SLC44A5: variants seen among roughly 807,000 people sequenced by gnomAD.
The protein encoded by SLC44A5 is choline transporter-like protein 5.
A neutral mutation model predicts 101.8 loss-of-function variants in SLC44A5; 57 were observed. The ratio of observed to expected loss-of-function variants is 0.56; its 90% CI spans 0.45 to 0.70. SLC44A5 has a LOEUF of 0.70. SLC44A5 is among the 30% of genes least tolerant of loss of function. The pLI, the probability that SLC44A5 is intolerant of heterozygous loss-of-function variation, is 0.00. For synonymous variants in SLC44A5, 281 were observed against 290.9 expected, an observed-to-expected ratio of 0.97 and a Z score of 0.35; for missense variants, 737 against 853.1, an observed-to-expected ratio of 0.86 and a Z score of 1.70.
At chr1:75,680,564 G>A in the SLC44A5 span, among the ~76,000 whole-genome samples, 4 of 151,494 alleles carry the variant, frequency 2.6e-5, no homozygotes, top group East Asian at 1.9e-4. Context: ...TGAAACCAAC[G>A]AAAACAAAGA....
At chr1:75,488,655 G>A (rs1205402772) in intron 2 of SLC44A5, among the ~76,000 whole-genome samples, 4 of 152,264 alleles carry the variant, frequency 2.6e-5, no homozygotes, top group East Asian at 3.9e-4. Context: ...TGTGTTGGCA[G>A]TAACTAGAAA....
Position 75,428,630 on chromosome 1 carries a change from C to T in SLC44A5, c.14-32009G>A, listed in dbSNP as rs141316919. Among the ~76,000 whole-genome samples the T allele has an allele frequency of 2.9e-3, 441 of 152,260 alleles. 4 individuals carry two copies. In the South Asian group the frequency reaches 0.039, roughly 13 times the overall value. On this transcript the variant is annotated intron_variant, in intron 2 of 23. Coordinates refer to ENST00000370859, the MANE Select transcript of SLC44A5 (RefSeq NM_001130058.2). ...GCACTATTTAGCATAATAAACTAAA[C>T]CTGACAGGCATCCCCAGTACAAGCA...
chr1:75,245,457 G>A (rs1280859941), intron 7 of SLC44A5, among the ~76,000 whole-genome samples: 1 of 152,086 alleles, frequency 6.6e-6, no homozygotes, highest in Non-Finnish European at 1.5e-5. Context: ...CATATTAGGA[G>A]ATACTTGACA....
At chr1:75,662,436 C>T in the SLC44A5 span, among the ~76,000 whole-genome samples, 2 of 151,800 alleles carry the variant, frequency 1.3e-5, no homozygotes, top group Admixed American at 6.6e-5. Context: ...AGTTCTAGGG[C>T]TCAATAGCAT....
chr1:75,317,985 G>A (rs1194683147), intron 4 of SLC44A5, among the ~76,000 whole-genome samples: 1 of 152,128 alleles, frequency 6.6e-6, no homozygotes, highest in East Asian at 1.9e-4. Flanking sequence ...ATTTCTCCTA[G>A]TGTAGTCAGA....
intron 3 of SLC44A5, among the ~76,000 whole-genome samples, chr1:75,348,811 T>G (rs143353713): frequency 5.9e-5 from 9 of 152,320 alleles, no homozygotes; most frequent in Admixed American, 5.9e-4. Flanking sequence ...ATGTTTACTG[T>G]TTTTTAGAAA....
At chr1:75,456,983 A>G (rs1666219570) in intron 2 of SLC44A5, among the ~76,000 whole-genome samples, 1 of 152,244 alleles carries the variant, frequency 6.6e-6, no homozygotes, top group South Asian at 2.1e-4. Context: ...GTTATAACAC[A>G]CAGGAGGAAA....
intron 11 of SLC44A5, among the ~76,000 whole-genome samples, chr1:75,236,276 C>A (rs1250223004): frequency 2.6e-5 from 4 of 151,916 alleles, no homozygotes; most frequent in Non-Finnish European, 5.9e-5. Context: ...TAATTTTAGT[C>A]TTTGACCATT....
chr1:75,537,225 G>C (rs969848212), intron 2 of SLC44A5, among the ~76,000 whole-genome samples: 3 of 151,790 alleles, frequency 2.0e-5, no homozygotes, highest in Non-Finnish European at 4.4e-5. Context: ...ATTCAAATTG[G>C]TACCATAATC....
At chr1:75,658,416 A>T in the SLC44A5 span, among the ~76,000 whole-genome samples, 1 of 152,140 alleles carries the variant, frequency 6.6e-6, no homozygotes, top group Non-Finnish European at 1.5e-5. Flanking sequence ...AATCAACATT[A>T]TATTAAGTAT....
In SLC44A5 at chr1:75,481,830, T is replaced by G. The variant is rs1316185374; in HGVS notation, c.13+59605A>C. ...TGGGAGTGTAAACTAGTTCAACCAT[T>G]GTGGAAGTTAGTGTGGCGATTCCTC... On this transcript the variant is annotated intron_variant, in intron 2 of 23. Coordinates refer to ENST00000370859, the MANE Select transcript of SLC44A5 (RefSeq NM_001130058.2). 2.0e-5 allele frequency among the ~76,000 whole-genome samples: 3 copies of G among 152,204 alleles called. No individual in the cohort carries two copies. In the East Asian group the frequency reaches 5.8e-4, roughly 29 times the overall value.
intron 5 of SLC44A5, among the ~76,000 whole-genome samples, chr1:75,300,212 T>C (rs1453966773): frequency 6.6e-6 from 1 of 152,062 alleles, no homozygotes; most frequent in Non-Finnish European, 1.5e-5. Flanking sequence ...TTGTTCCTTC[T>C]TTTTAATTTG....
intron 2 of SLC44A5, among the ~76,000 whole-genome samples, chr1:75,459,970 GGAA>G (rs1411677783): frequency 6.6e-6 from 1 of 152,094 alleles, no homozygotes. Flanking sequence ...CTGAAAACCA[GGAA>G]GAAGAAGTAG....
intron 2 of SLC44A5, among the ~76,000 whole-genome samples, chr1:75,535,663 G>T (rs1372489089): frequency 6.6e-6 from 1 of 152,100 alleles, no homozygotes; most frequent in Non-Finnish European, 1.5e-5. Context: ...CTTCTAGAAA[G>T]TAGACTAGTA....
chr1:75,684,555 C>T, the SLC44A5 span, among the ~76,000 whole-genome samples: 1 of 152,030 alleles, frequency 6.6e-6, no homozygotes, highest in Admixed American at 6.6e-5. Flanking sequence ...GAGAAATTGG[C>T]CAAAATAAAG....
chr1:75,515,863 C>T (rs574825845), intron 2 of SLC44A5, among the ~76,000 whole-genome samples: 44 of 152,134 alleles, frequency 2.9e-4, no homozygotes, highest in Admixed American at 1.8e-3. Context: ...CTTTACATTC[C>T]CATCACAGTG....
chr1:75,390,862 C>T (rs1358895586), intron 3 of SLC44A5, among the ~76,000 whole-genome samples: 4 of 151,912 alleles, frequency 2.6e-5, no homozygotes, highest in Non-Finnish European at 5.9e-5. Flanking sequence ...GGTGAGAGAA[C>T]AAAACAAAAC....
chr1:75,262,326 T>C (rs2100695226), intron 6 of SLC44A5, among the ~76,000 whole-genome samples: 1 of 152,274 alleles, frequency 6.6e-6, no homozygotes, highest in South Asian at 2.1e-4. Context: ...AGCACAAGCA[T>C]TCCTATACAC....
intron 2 of SLC44A5, among the ~76,000 whole-genome samples, chr1:75,519,387 G>A (rs776879668): frequency 7.2e-5 from 11 of 151,962 alleles, no homozygotes; most frequent in South Asian, 2.1e-4. Flanking sequence ...GCAAAACCTC[G>A]TCTCTGCTAA....
Sources: gnomAD v4.1 joint callset for allele counts (sites outside exome capture counted in the v4.1 genomes callset) on GRCh38, gnomAD v4.1.1 for gene constraint, MANE v1.5 for transcripts, NCBI Gene and HGNC (gene_info 2026-07-23, HGNC 2026-07-21) for gene names.